The following USP50 variants were observed in gnomAD, a reference collection of about 807,000 sequenced individuals.
USP50 encodes ubiquitin carboxyl-terminal hydrolase 50.
In USP50, 37 loss-of-function variants were observed where a neutral mutation model predicts 39.2. That is an observed-to-expected ratio of 0.94 (90% confidence interval 0.73 to 1.24). USP50 has a LOEUF of 1.24. Among genes scored for constraint, USP50 ranks in the 50% most tolerant of loss-of-function variants. The pLI, the probability that USP50 is intolerant of heterozygous loss-of-function variation, is 0.00. For synonymous variants in USP50, 139 were observed against 144.5 expected (o/e 0.96, Z 0.27); for missense variants, 374 against 398.2 (o/e 0.94, Z 0.52).
At chr15:50,545,984 G>A (rs2053067723) in intron 1 of USP50, among the ~76,000 whole-genome samples, 1 of 151,134 alleles carries the variant, frequency 6.6e-6, no homozygotes, top group South Asian at 2.1e-4. Context: ...GGATTAGAGT[G>A]TTCATGTGAA....
chr15:50,514,808 G>A (rs763826730), intron 6 of USP50, among the ~76,000 whole-genome samples: 3 of 151,622 alleles, frequency 2.0e-5, no homozygotes, highest in African/African-American at 4.8e-5. Context: ...GATTACAGGC[G>A]TGAGCCACCA....
At position 50,500,793 on chromosome 15, in the gene USP50, G is replaced by A; in HGVS notation, c.981C>T (p.Cys327=). 3 of 1,590,386 alleles carry A rather than the reference G, an allele frequency of 1.9e-6. No individual in the cohort carries two copies. Among genetic ancestry groups the A allele is most frequent in the East Asian group, 2.3e-5 (1 of 44,166 alleles). The change falls in exon 7 of 7, where the codon TGC becomes TGT. Residue 327 remains cysteine, a synonymous_variant. Coordinates refer to ENST00000532404, the MANE Select transcript of USP50 (RefSeq NM_203494.5). ...DLDGGHYTAF[C]KNSVTQA is the part of the protein sequence containing the mutation. ...ATCAGGCCTGGGTGACTGAATTCTTGCAGAAAGCAGTGTAGTGGCCACCAT... is the reference window on the plus strand; with the variant it reads ...ATCAGGCCTGGGTGACTGAATTCTTACAGAAAGCAGTGTAGTGGCCACCAT...
chr15:50,523,457 G>T (rs1407552741), intron 6 of USP50, among the ~76,000 whole-genome samples: 1 of 151,914 alleles, frequency 6.6e-6, no homozygotes, highest in Non-Finnish European at 1.5e-5. Context: ...ACAGGTATAA[G>T]CCACTGCATC....
downstream of USP50, chr15:50,493,998 A>G: frequency 3.9e-6 from 6 of 1,530,778 alleles, no homozygotes; most frequent in Non-Finnish European, 5.4e-6. Context: ...TGTTGACATC[A>G]AGAATCTACT....
chr15:50,533,407 G>A (rs2052957106), intron 5 of USP50, among the ~76,000 whole-genome samples: 1 of 151,608 alleles, frequency 6.6e-6, no homozygotes, highest in African/African-American at 2.4e-5. Context: ...TGACACCTAA[G>A]CATTTCATTT....
intron 6 of USP50, among the ~76,000 whole-genome samples, chr15:50,519,565 A>T (rs1311347438): frequency 6.6e-6 from 1 of 151,832 alleles, no homozygotes; most frequent in Admixed American, 6.6e-5. Context: ...ATACAAAAAA[A>T]TTAGGCGGGT....
rs1390019543 is a variant in USP50, at chr15:50,546,621, T to C, written c.-96A>G. 2 of 1,362,268 alleles carry C rather than the reference T, an allele frequency of 1.5e-6. No homozygotes were observed. The highest frequency in any genetic ancestry group is 3.5e-5 in the Admixed American group (2 of 57,462). 84.4% of individuals were successfully genotyped at this position (1,362,268 alleles called of 1,614,324 possible). On this transcript the variant is annotated 5_prime_UTR_variant, in exon 1 of 7. Transcript: ENST00000532404. ...TGAGCCTGTTAACGCTGGCTTTTTGTTTTAAACAATTGATATGCTCCTCTC... is the reference window on the plus strand; with the variant it reads ...TGAGCCTGTTAACGCTGGCTTTTTGCTTTAAACAATTGATATGCTCCTCTC...
chr15:50,543,572 A>G (rs1566912803), intron 3 of USP50, 26 bp downstream of exon 3: 3 of 1,592,498 alleles, frequency 1.9e-6, no homozygotes, highest in South Asian at 2.3e-5. Context: ...GGACTATCCT[A>G]TTTCAAGGTC....
chr15:50,509,838 A>G (rs1350067479), intron 6 of USP50: 1 of 152,164 alleles, frequency 6.6e-6, no homozygotes, highest in Admixed American at 6.5e-5. Context: ...AAATGACTGA[A>G]GAGAAATACA....
Position 50,500,774 on chromosome 15 carries a change from C to G in USP50, c.1000G>C (p.Ala334Pro). The change falls in exon 7 of 7, where the codon GCC (alanine) becomes CCC (proline). Residue 334 changes from alanine (A) to proline (P), a missense_variant. Physicochemically the swap from Ala to Pro is conservative, Grantham distance 27. Coordinates refer to ENST00000532404, the MANE Select transcript of USP50 (RefSeq NM_203494.5). ...CGTGTGTTATCAAAGCTATATCAGGCCTGGGTGACTGAATTCTTGCAGAAA... is the reference window on the plus strand; with the variant it reads ...CGTGTGTTATCAAAGCTATATCAGGGCTGGGTGACTGAATTCTTGCAGAAA... ...TAFCKNSVTQ[A>P] 6.3e-7 allele frequency: 1 copy of G among 1,587,656 alleles called. No homozygotes were observed. Among genetic ancestry groups the G allele is most frequent in the Admixed American group, 1.8e-5 (1 of 55,758 alleles).
downstream of USP50, chr15:50,497,614 TTAA>T (rs1248071633): frequency 1.3e-5 from 2 of 153,570 alleles, no homozygotes; most frequent in African/African-American, 4.8e-5. Flanking sequence ...TTAAAGTATT[TTAA>T]TGATAAAATA....
intron 4 of USP50, among the ~76,000 whole-genome samples, chr15:50,539,781 C>A (rs1222455682): frequency 1.3e-5 from 2 of 152,156 alleles, no homozygotes; most frequent in Non-Finnish European, 2.9e-5. Flanking sequence ...CTAAAATGAT[C>A]CGGTGACAAA....
rs200676327 is a variant in USP50, at chr15:50,495,492, G to T, written n.185-1362C>A. 1.2e-4 allele frequency among the ~76,000 whole-genome samples: 18 copies of T among 149,542 alleles called. 1 individual carries two copies. The South Asian group carries it at 3.2e-3, about 26-fold the overall frequency. ...TTTTTTTAGTAGAGATTGGAGGGGG[G>T]GGTCTCACTATGTTGCACAAGTTGG... is the stretch of plus-strand genomic sequence containing the variant. On this transcript the variant is annotated intron_variant and non_coding_transcript_variant, in intron 1 of 1. Transcript: ENST00000560159.
intron 6 of USP50, chr15:50,511,940 G>A (rs1320939149): frequency 1.3e-5 from 2 of 152,304 alleles, no homozygotes; most frequent in African/African-American, 4.8e-5. Context: ...TGAGGCTGCA[G>A]TGAGCTGAGA....
At chr15:50,545,002 C>T (rs2053060767) in intron 1 of USP50, among the ~76,000 whole-genome samples, 1 of 152,004 alleles carries the variant, frequency 6.6e-6, no homozygotes, top group Non-Finnish European at 1.5e-5. Flanking sequence ...CTTTGGGAGG[C>T]CGAGGTGGGA....
chr15:50,513,180 T>G (rs1409870365), intron 6 of USP50: 3 of 152,178 alleles, frequency 2.0e-5, no homozygotes, highest in Non-Finnish European at 2.9e-5. Flanking sequence ...ATGCACATAC[T>G]TTATGATCTA....
At chr15:50,497,498 A>C (rs1000716798), downstream of USP50, 8 of 285,384 alleles carry the variant, frequency 2.8e-5, no homozygotes, top group Non-Finnish European at 4.5e-5. Context: ...AAATGTATAA[A>C]AATATTACAG....
intron 6 of USP50, among the ~76,000 whole-genome samples, chr15:50,528,588 A>G (rs1006224496): frequency 2.6e-5 from 4 of 152,258 alleles, no homozygotes; most frequent in Admixed American, 6.5e-5. Context: ...TAGAGTCTGC[A>G]TTTGATATAA....
At chr15:50,528,134 G>A (rs377488019) in intron 6 of USP50, among the ~76,000 whole-genome samples, 33 of 149,384 alleles carry the variant, frequency 2.2e-4, no homozygotes, top group African/African-American at 7.7e-4. Context: ...CTTGAACTCC[G>A]GGACTCAAGT....
Sources: allele counts gnomAD v4.1 joint callset (sites outside exome capture counted in the v4.1 genomes callset), GRCh38; gene constraint gnomAD v4.1.1; transcripts MANE v1.5; gene names NCBI Gene and HGNC (gene_info 2026-07-23, HGNC 2026-07-21).